The following ASAP1 variants were observed in gnomAD, a reference collection of about 807,000 sequenced individuals.
ASAP1 encodes the protein arf-GAP with SH3 domain, ANK repeat and PH domain-containing protein 1.
Under a neutral mutation model 145.2 loss-of-function variants are expected in ASAP1, and 43 were observed. The ratio of observed to expected loss-of-function variants is 0.30; its 90% confidence interval spans 0.23 to 0.38. The LOEUF (loss-of-function observed/expected upper bound fraction) is 0.38, where lower values mean the gene tolerates loss of function less well. ASAP1 is among the 10% of genes least tolerant of loss of function. The pLI is 1.00. For missense variants in ASAP1, 1,018 were observed against 1,355.3 expected (o/e 0.75, Z 3.91); for synonymous variants, 546 against 515.5 (o/e 1.06, Z -0.80).
chr8:130,078,866 C>T (rs2097471248), intron 26 of ASAP1, among the ~76,000 whole-genome samples: 1 of 152,008 alleles, frequency 6.6e-6, no homozygotes, highest in Non-Finnish European at 1.5e-5. Context: ...TTGGGCCTAT[C>T]TCACAGGGTT....
At chr8:130,229,441 T>C (rs181178854) in intron 4 of ASAP1, among the ~76,000 whole-genome samples, 1 of 152,164 alleles carries the variant, frequency 6.6e-6, no homozygotes, top group South Asian at 2.1e-4. Context: ...GGAAAATGCA[T>C]TTTGAAATAG....
intron 3 of ASAP1, among the ~76,000 whole-genome samples, chr8:130,295,994 G>T (rs1473039888): frequency 6.6e-6 from 1 of 152,230 alleles, no homozygotes; most frequent in Non-Finnish European, 1.5e-5. Context: ...TTAAAGGGAT[G>T]TCTAGATTCT....
At chr8:130,387,540 GAAAAA>G (rs772010696) in intron 2 of ASAP1, among the ~76,000 whole-genome samples, 4 of 91,458 alleles carry the variant, frequency 4.4e-5, no homozygotes, top group Middle Eastern at 6.1e-3. Context: ...CATCAAGAAA[GAAAAA>G]AAAAAAAAAG....
At chr8:130,233,841 C>A (rs1818051628) in intron 4 of ASAP1, among the ~76,000 whole-genome samples, 1 of 152,138 alleles carries the variant, frequency 6.6e-6, no homozygotes, top group African/African-American at 2.4e-5. Context: ...AATATCTTTT[C>A]AAACAAACAA....
intron 3 of ASAP1, among the ~76,000 whole-genome samples, chr8:130,333,109 A>T (rs911602977): frequency 6.6e-6 from 1 of 152,124 alleles, no homozygotes; most frequent in Non-Finnish European, 1.5e-5. Flanking sequence ...CTCAAAACTC[A>T]AGGGGGAATT....
At chr8:130,210,061 T>G (rs139552447) in intron 5 of ASAP1, among the ~76,000 whole-genome samples, 1 of 152,226 alleles carries the variant, frequency 6.6e-6, no homozygotes, top group East Asian at 1.9e-4. Flanking sequence ...GGACTACTTA[T>G]GAAGTTTTTA....
chr8:130,152,945 T>G (rs368913466), intron 12 of ASAP1, 140 bp from the exon 13 acceptor site: 3 of 563,218 alleles, frequency 5.3e-6, no homozygotes, highest in South Asian at 3.1e-5. Flanking sequence ...AAATCCTGGT[T>G]GCCTTTTATT....
intron 3 of ASAP1, among the ~76,000 whole-genome samples, chr8:130,284,429 A>C (rs1016422506): frequency 4.6e-5 from 7 of 151,100 alleles, no homozygotes; most frequent in African/African-American, 1.7e-4. Context: ...AACGGGAGTC[A>C]AATTGTAGTA....
At chr8:130,337,575 G>A (rs1292346183) in intron 3 of ASAP1, among the ~76,000 whole-genome samples, 1 of 152,164 alleles carries the variant, frequency 6.6e-6, no homozygotes, top group African/African-American at 2.4e-5. Flanking sequence ...ATCCTATCAG[G>A]AAATAAAAGT....
At chr8:130,220,172 T>C (rs1456657000) in intron 4 of ASAP1, among the ~76,000 whole-genome samples, 1 of 152,136 alleles carries the variant, frequency 6.6e-6, no homozygotes, top group Non-Finnish European at 1.5e-5. Context: ...TGGTCTAGTT[T>C]TAAAAACTAG....
chr8:130,323,712 T>C (rs967012306), intron 3 of ASAP1, among the ~76,000 whole-genome samples: 2 of 152,148 alleles, frequency 1.3e-5, no homozygotes, highest in African/African-American at 2.4e-5. Flanking sequence ...GAATTTATCA[T>C]ACTATATTAA....
chr8:130,165,972 T>C lies in ASAP1; in HGVS notation c.909+1564A>G, dbSNP rs543262752. Among the ~76,000 whole-genome samples the C allele has an allele frequency of 8.5e-5, 13 of 152,320 alleles. No individual in the cohort carries two copies. The South Asian group carries it at 1.7e-3, about 19-fold the overall frequency. The stretch of plus-strand genomic sequence containing the variant: ...TGTGATAGTATTTAAAAACTGACTA[T>C]AAAAATGCTGTATTTCATGTTATTA... On this transcript the variant is annotated intron_variant, in intron 11 of 29. Transcript: ENST00000518721.
chr8:130,255,605 G>A (rs908121739), intron 3 of ASAP1, among the ~76,000 whole-genome samples: 1 of 152,040 alleles, frequency 6.6e-6, no homozygotes, highest in African/African-American at 2.4e-5. Flanking sequence ...GATTATAAAA[G>A]CCTAATTTTC....
At chr8:130,130,695 G>A (rs556351407) in intron 15 of ASAP1, among the ~76,000 whole-genome samples, 50 of 152,210 alleles carry the variant, frequency 3.3e-4, no homozygotes, top group Non-Finnish European at 5.7e-4. Context: ...TCCTGCAATC[G>A]AGGTATATAA....
chr8:130,272,010 GACTT>G (rs1195997263), intron 3 of ASAP1, among the ~76,000 whole-genome samples: 1 of 151,980 alleles, frequency 6.6e-6, no homozygotes, highest in Non-Finnish European at 1.5e-5. Flanking sequence ...TTTAAAAAAA[GACTT>G]ACTGTCACTA....
chr8:130,114,894 C>T (rs2097552521), intron 23 of ASAP1, among the ~76,000 whole-genome samples: 1 of 151,752 alleles, frequency 6.6e-6, no homozygotes, highest in Non-Finnish European at 1.5e-5. Flanking sequence ...CCTGCCTCAG[C>T]TTGTCAAATA....
intron 5 of ASAP1, among the ~76,000 whole-genome samples, chr8:130,200,129 G>A (rs1479369257): frequency 1.3e-5 from 2 of 152,156 alleles, no homozygotes; most frequent in African/African-American, 2.4e-5. Flanking sequence ...AGAAGCAAAA[G>A]CATTACAAAC....
chr8:130,098,419 C>T (rs546325036), intron 24 of ASAP1, among the ~76,000 whole-genome samples: 8 of 152,224 alleles, frequency 5.3e-5, no homozygotes, highest in Non-Finnish European at 1.0e-4. Context: ...TCTTAGCTCA[C>T]TGCAATGTCC....
At chr8:130,080,478 C>CTTTT (rs398047411) in intron 25 of ASAP1, among the ~76,000 whole-genome samples, 1 of 71,186 alleles carries the variant, frequency 1.4e-5, no homozygotes, top group Non-Finnish European at 3.0e-5. Flanking sequence ...CATTCTCTCT[C>CTTTT]TTTTTTTTTT....
Sources: gnomAD v4.1 joint callset for allele counts (sites outside exome capture counted in the v4.1 genomes callset) on GRCh38, gnomAD v4.1.1 for gene constraint, MANE v1.5 for transcripts, NCBI Gene and HGNC (gene_info 2026-07-23, HGNC 2026-07-21) for gene names.